Variants in PCDHGB7 observed in about 807,000 individuals in gnomAD.
PCDHGB7 encodes protocadherin gamma-B7.
Under a neutral mutation model 61.4 loss-of-function variants are expected in PCDHGB7, and 37 were observed. That is an observed-to-expected ratio of 0.60 (90% CI 0.46 to 0.79). The LOEUF (loss-of-function observed/expected upper bound fraction) is 0.79. Among genes scored for constraint, PCDHGB7 ranks in the 30% least tolerant of loss-of-function variants. The pLI, the probability that PCDHGB7 is intolerant of heterozygous loss-of-function variation, is 0.00. For synonymous variants in PCDHGB7, 464 were observed against 503.5 expected (o/e 0.92, Z 1.05); for missense variants, 1,166 against 1,202.5 (o/e 0.97, Z 0.45).
In PCDHGB7 at chr5:141,491,759, G is replaced by A; in HGVS notation, c.2416-3048G>A. On this transcript the variant is annotated intron_variant, in intron 1 of 3. Coordinates refer to ENST00000398594, the MANE Select transcript of PCDHGB7 (RefSeq NM_018927.4). The surrounding 1 kb of genome is among the most constrained non-coding windows in gnomAD (Gnocchi z 6.9). ...GGGGGCGGCACTGGAGAAGCCGCCC[G>A]TCCTCATAAGGGATTGAACTTGCAT... 2 of 1,575,392 alleles carry A rather than the reference G, an allele frequency of 1.3e-6. No homozygotes were observed. The highest frequency in any genetic ancestry group is 1.9e-5 in the Admixed American group (1 of 52,640).
intron 1 of PCDHGB7, chr5:141,478,160 G>GC (rs764598056): frequency 3.7e-6 from 6 of 1,613,948 alleles, no homozygotes. Flanking sequence ...CTCTGGCTCT[G>GC]CCCCCCGGGA....
At chr5:141,437,188 G>T (rs1303844523) in intron 1 of PCDHGB7, among the ~76,000 whole-genome samples, 1 of 152,146 alleles carries the variant, frequency 6.6e-6, no homozygotes, top group Non-Finnish European at 1.5e-5. Context: ...CTGGGCAATG[G>T]GTTTGGATGT....
At chr5:141,454,203 T>C (rs981646952) in intron 1 of PCDHGB7, among the ~76,000 whole-genome samples, 2 of 152,148 alleles carry the variant, frequency 1.3e-5, no homozygotes, top group African/African-American at 4.8e-5. Flanking sequence ...GGTGAATTTA[T>C]TGACATGAAT....
intron 1 of PCDHGB7, among the ~76,000 whole-genome samples, chr5:141,450,166 T>TCCCACCACACC (rs1046248061): frequency 2.0e-5 from 3 of 151,062 alleles, no homozygotes; most frequent in African/African-American, 7.3e-5. Flanking sequence ...GCCACCACAC[T>TCCCACCACACC]CCCACCACAC....
chr5:141,423,805 G>GT (rs1384575574), intron 1 of PCDHGB7: 44 of 1,261,806 alleles, frequency 3.5e-5, no homozygotes, highest in South Asian at 8.9e-5. Context: ...AGCAATACAT[G>GT]TGAGTTTTAC....
intron 1 of PCDHGB7, among the ~76,000 whole-genome samples, chr5:141,430,040 T>C (rs1449876504): frequency 1.3e-5 from 2 of 152,232 alleles, no homozygotes; most frequent in African/African-American, 2.4e-5. Flanking sequence ...ATTCTGATAA[T>C]GTATACAATC....
chr5:141,428,057 G>C (rs766786963), intron 1 of PCDHGB7: 2 of 1,609,044 alleles, frequency 1.2e-6, no homozygotes, highest in East Asian at 2.2e-5. Flanking sequence ...AGGTGGTGGC[G>C]GTGGACGCAG....
chr5:141,417,700 A>G lies in PCDHGB7; in HGVS notation c.-160A>G. 1 of 1,180,094 alleles carries G rather than the reference A, an allele frequency of 8.5e-7. No homozygotes were observed. Among genetic ancestry groups the G allele is most frequent in the Admixed American group, 3.0e-5 (1 of 33,588 alleles). 73.1% of individuals were successfully genotyped at this position (1,180,094 alleles called of 1,614,324 possible). A position where few individuals can be genotyped will look rare whatever the true frequency, so the allele number is the denominator to read the frequency against. Reference sequence around the variant, plus strand: ...ACAACAGAAAAGAAAACCAGCTCCCACACAGAGGCTCCCGGCTGCGCAGAC... The same window carrying G: ...ACAACAGAAAAGAAAACCAGCTCCCGCACAGAGGCTCCCGGCTGCGCAGAC... On this transcript the variant is annotated 5_prime_UTR_variant, in exon 1 of 4. Coordinates refer to ENST00000398594, the MANE Select transcript of PCDHGB7 (RefSeq NM_018927.4).
chr5:141,459,260 T>G (rs551625614), intron 1 of PCDHGB7, among the ~76,000 whole-genome samples: 1 of 152,344 alleles, frequency 6.6e-6, no homozygotes, highest in South Asian at 2.1e-4. Flanking sequence ...TAAATTAGTG[T>G]TGCCTCTTTC....
intron 1 of PCDHGB7, among the ~76,000 whole-genome samples, chr5:141,483,630 G>A (rs2099583876): frequency 6.7e-6 from 1 of 149,714 alleles, no homozygotes; most frequent in African/African-American, 2.5e-5. Flanking sequence ...ATGGGAGAAG[G>A]TATAGAGGGG....
At chr5:141,448,200 T>C (rs2098574351) in intron 1 of PCDHGB7, among the ~76,000 whole-genome samples, 1 of 152,156 alleles carries the variant, frequency 6.6e-6, no homozygotes, top group Non-Finnish European at 1.5e-5. Context: ...CTTACAAACA[T>C]TTTCTGTGTG....
intron 1 of PCDHGB7, chr5:141,421,223 C>T: frequency 6.3e-7 from 1 of 1,580,314 alleles, no homozygotes. Context: ...GGCTTAGAGC[C>T]TGCCATGGCG....
Position 141,418,743 on chromosome 5 carries a change from A to G in PCDHGB7, c.884A>G (p.Asp295Gly). ...AAAGCTCAGCACGTGTTCTCTCTGG[A>G]TTACACTACAGGAAACATTCTAACT... Reference protein sequence around the residue: ...ADKAQHVFSLDYTTGNILTQQ... With the variant: ...ADKAQHVFSLGYTTGNILTQQ... The change falls in exon 1 of 4, where the codon GAT (aspartate) becomes GGT (glycine). Residue 295 changes from aspartate to glycine, a missense_variant. Physicochemically the swap from Asp to Gly is moderately conservative, Grantham distance 94. Transcript: ENST00000398594. 5 of 1,613,954 alleles carry G rather than the reference A, an allele frequency of 3.1e-6. No individual in the cohort carries two copies. The highest frequency in any genetic ancestry group is 1.3e-5 in the African/African-American group (1 of 75,062).
intron 2 of PCDHGB7, among the ~76,000 whole-genome samples, chr5:141,501,223 T>G (rs1247662371): frequency 6.6e-6 from 1 of 151,280 alleles, no homozygotes; most frequent in African/African-American, 2.4e-5. Flanking sequence ...CTTCCTAGAT[T>G]TCTCAGTTTT....
Position 141,489,829 on chromosome 5 carries a change from G to T in PCDHGB7, c.2416-4978G>T, listed in dbSNP as rs1445416879. 6.2e-7 allele frequency: 1 copy of T among 1,614,076 alleles called. No individual in the cohort carries two copies. Among genetic ancestry groups the T allele is most frequent in the South Asian group, 1.1e-5 (1 of 91,070 alleles). ...GAAGCCATTCCCAGAGCTGGTGCTA[G>T]AGCAGCAGCTGGATCGTGAAGCCCA... On this transcript the variant is annotated intron_variant, in intron 1 of 3. Coordinates refer to ENST00000398594, the MANE Select transcript of PCDHGB7 (RefSeq NM_018927.4). The surrounding 1 kb of genome is among the most constrained non-coding windows in gnomAD (Gnocchi z 4.5).
At chr5:141,420,733 A>T (rs989644819) in intron 1 of PCDHGB7, among the ~76,000 whole-genome samples, 1 of 152,250 alleles carries the variant, frequency 6.6e-6, no homozygotes, top group African/African-American at 2.4e-5. Flanking sequence ...GTCGGTTAAA[A>T]TCAATTGGAA....
intron 1 of PCDHGB7, among the ~76,000 whole-genome samples, chr5:141,465,130 AAG>A (rs1277023430): frequency 2.6e-5 from 4 of 151,968 alleles, no homozygotes; most frequent in Non-Finnish European, 5.9e-5. Flanking sequence ...AATTTGTAAA[AAG>A]TTTAGGGGAT....
At chr5:141,496,733 C>T (rs1221912777) in intron 2 of PCDHGB7, among the ~76,000 whole-genome samples, 12 of 152,138 alleles carry the variant, frequency 7.9e-5, no homozygotes, top group African/African-American at 9.7e-5. Context: ...TGTATTCATT[C>T]GTTCATTTAT....
Position 141,490,711 on chromosome 5 carries a change from T to C in PCDHGB7, c.2416-4096T>C. ...CACTGGGGATAATGCCCGCCTCACC[T>C]ACTCCATTGTAGGAAATCAGGTTCA... On this transcript the variant is annotated intron_variant, in intron 1 of 3. Transcript: ENST00000398594. The surrounding 1 kb of genome is among the most constrained non-coding windows in gnomAD (Gnocchi z 5.4). The C allele has an allele frequency of 6.2e-7, 1 of 1,614,200 alleles. No individual in the cohort carries two copies. Among genetic ancestry groups the C allele is most frequent in the Non-Finnish European group, 8.5e-7 (1 of 1,180,002 alleles).
Sources: gnomAD v4.1 joint callset for allele counts (sites outside exome capture counted in the v4.1 genomes callset) on GRCh38, gnomAD v4.1.1 for gene constraint, Gnocchi (gnomAD v3.1) non-coding constraint, MANE v1.5 for transcripts, NCBI Gene and HGNC (gene_info 2026-07-23, HGNC 2026-07-21) for gene names.